Variants in CBLN3 observed in about 807,000 individuals in gnomAD.
CBLN3 encodes cerebellin-3.
CBLN3 carries 14 observed loss-of-function variants against 17.4 expected under a neutral mutation model. That is an observed-to-expected ratio of 0.81 (90% CI 0.53 to 1.26). The LOEUF (loss-of-function observed/expected upper bound fraction) is 1.26. Among genes scored for constraint, CBLN3 ranks in the 50% most tolerant of loss-of-function variants. The pLI is 0.00. For synonymous variants in CBLN3, 129 were observed against 117.4 expected (o/e 1.10, Z -0.64); for missense variants, 263 against 268.5 (o/e 0.98, Z 0.14).
chr14:24,428,387 C>A lies in CBLN3; in HGVS notation c.319G>T (p.Gly107Cys). Residue 107 changes from glycine to cysteine, a missense_variant, in exon 2 of 3, where the codon GGT becomes TGT. Transcript: ENST00000267406. ...YFDQVLVNEG[G>C]GFDRASGSFV... ...GAGCCAGAGGCCCGGTCAAAGCCAC[C>A]GCCCTCGTTCACCAGGACCTGGGGG... 1 of 1,613,834 alleles carries A rather than the reference C, an allele frequency of 6.2e-7. No homozygotes were observed. Among genetic ancestry groups the A allele is most frequent in the South Asian group, 1.1e-5 (1 of 91,064 alleles).
chr14:24,429,647 A>T lies in CBLN3; in HGVS notation c.-593T>A. The T allele has an allele frequency of 1.8e-6, 2 of 1,128,094 alleles. No individual in the cohort carries two copies. Among genetic ancestry groups the T allele is most frequent in the Non-Finnish European group, 2.2e-6 (2 of 902,664 alleles). 69.9% of individuals were successfully genotyped at this position (1,128,094 alleles called of 1,614,324 possible). A position where few individuals can be genotyped will look rare whatever the true frequency, so the allele number is the denominator to read the frequency against. On this transcript the variant is annotated 5_prime_UTR_variant, in exon 1 of 3. Transcript: ENST00000267406. ...GCTTTGGTGGAAAGTGCTTGGGCCT[A>T]GAGCACCAGTGGGCCAGTCACGCTG...
chr14:24,427,767 T>G lies in CBLN3; in HGVS notation c.*22A>C, dbSNP rs1566492849. Reference sequence around the variant, plus strand: ...AGAAAGTTGTCAGGGGCTGGATTCTTGTGCTTGAAAGACTTGGGTCCTCAG... The same window carrying G: ...AGAAAGTTGTCAGGGGCTGGATTCTGGTGCTTGAAAGACTTGGGTCCTCAG... On this transcript the variant is annotated 3_prime_UTR_variant, in exon 3 of 3. Coordinates refer to ENST00000267406, the MANE Select transcript of CBLN3 (RefSeq NM_001039771.3). The surrounding 1 kb of genome is among the most constrained non-coding windows in gnomAD (Gnocchi z 4.4). The G allele has an allele frequency of 6.2e-7, 1 of 1,612,622 alleles. No individual in the cohort carries two copies.
At position 24,428,604 on chromosome 14, in the gene CBLN3, C is replaced by A. The variant is rs549668701; in HGVS notation, c.300+151G>T. 1.6e-5 allele frequency: 16 copies of A among 992,894 alleles called. No individual in the cohort carries two copies. In the African/African-American group the frequency reaches 2.5e-4, roughly 16 times the overall value. 61.5% of individuals were successfully genotyped at this position (992,894 alleles called of 1,614,324 possible). Reference sequence around the variant, plus strand: ...TATGGGTGGAGGGAGGGGAAACCGTCGGTGGGGTGGTGGGGCAATAGGCCA... The same window carrying A: ...TATGGGTGGAGGGAGGGGAAACCGTAGGTGGGGTGGTGGGGCAATAGGCCA... On this transcript the variant is annotated intron_variant, in intron 1 of 2. Coordinates refer to ENST00000267406, the MANE Select transcript of CBLN3 (RefSeq NM_001039771.3).
Position 24,429,136 on chromosome 14 carries a change from C to G in CBLN3, c.-82G>C, listed in dbSNP as rs2043059043. On this transcript the variant is annotated 5_prime_UTR_variant, in exon 1 of 3. Coordinates refer to ENST00000267406, the MANE Select transcript of CBLN3 (RefSeq NM_001039771.3). ...CGCTCCTCTCCCTGGATTCTCACCG[C>G]CGGCACCCTGATCGTCTGCCCTCTC... 7.1e-7 allele frequency: 1 copy of G among 1,408,566 alleles called. No individual in the cohort carries two copies. The highest frequency in any genetic ancestry group is 9.4e-7 in the Non-Finnish European group (1 of 1,058,522). The allele number at this position is 1,408,566 out of a possible 1,614,324, so 87.3% of individuals were successfully genotyped here.
rs759115311 is a variant in CBLN3, at chr14:24,427,966, C to G, written c.441G>C (p.Thr147=). Reference sequence around the variant, plus strand: ...TGGCAAAGGCTGAGATGACAGGCCACGTGTTCAGCATCAGGCTCACCTGGG... The same window carrying G: ...TGGCAAAGGCTGAGATGACAGGCCAGGTGTTCAGCATCAGGCTCACCTGGG... ...QTVQVSLMLN[T]WPVISAFAND... Residue 147 remains threonine, a synonymous_variant, in exon 3 of 3, where the codon ACG becomes ACC. Coordinates refer to ENST00000267406, the MANE Select transcript of CBLN3 (RefSeq NM_001039771.3). This position sits in a 1 kb window ranked among gnomAD's most constrained non-coding sequence, Gnocchi z 4.4. 6.2e-7 allele frequency: 1 copy of G among 1,613,508 alleles called. No homozygotes were observed. The highest frequency in any genetic ancestry group is 1.7e-5 in the Admixed American group (1 of 60,010).
In CBLN3 at chr14:24,428,374, C is replaced by G. The variant is rs757183255; in HGVS notation, c.332G>C (p.Arg111Pro). The change falls in exon 2 of 3, where the codon CGG becomes CCG. Residue 111 changes from arginine (R) to proline (P), a missense_variant. By Grantham distance (103) the Arg-to-Pro change is moderately radical. Transcript: ENST00000267406. Reference protein sequence around the residue: ...VLVNEGGGFDRASGSFVAPVR... With the variant: ...VLVNEGGGFDPASGSFVAPVR... ...AGGGGCTACGAAGGAGCCAGAGGCC[C>G]GGTCAAAGCCACCGCCCTCGTTCAC... The G allele has an allele frequency of 1.4e-5, 22 of 1,613,830 alleles. No homozygotes were observed. The highest frequency in any genetic ancestry group is 2.7e-5 in the African/African-American group (2 of 74,982).
intron 1 of CBLN3, 106 bp from the exon 2 acceptor site, chr14:24,428,511 C>A: frequency 7.3e-7 from 1 of 1,368,108 alleles, no homozygotes; most frequent in Non-Finnish European, 1.0e-6. Flanking sequence ...GAAGGAGTGG[C>A]AAGTAGGAGT....
At chr14:24,428,514 G>T in intron 1 of CBLN3, 109 bp from the exon 2 acceptor site, 1 of 1,354,036 alleles carries the variant, frequency 7.4e-7, no homozygotes, top group East Asian at 2.4e-5. Context: ...GGAGTGGCAA[G>T]TAGGAGTGAA....
Position 24,429,297 on chromosome 14 carries a change from G to A in CBLN3, c.-243C>T. The A allele has an allele frequency of 5.8e-6, 4 of 692,362 alleles. No homozygotes were observed. Among genetic ancestry groups the A allele is most frequent in the Non-Finnish European group, 1.0e-5 (4 of 383,388 alleles). 42.9% of individuals were successfully genotyped at this position (692,362 alleles called of 1,614,324 possible). On this transcript the variant is annotated 5_prime_UTR_variant, in exon 1 of 3. Transcript: ENST00000267406. The stretch of plus-strand genomic sequence containing the variant: ...AGCAGTTGGGCTTTGGGAGAGAAAG[G>A]AGGGATGAAGCCGCCTGCCCACTGG...
rs535790617 is a variant in CBLN3 at position 24,428,259 on chromosome 14, G to T, written c.420+27C>A. 1.4e-4 allele frequency: 223 copies of T among 1,611,800 alleles called. 3 individuals carry two copies. In the South Asian group the frequency reaches 2.3e-3, roughly 17 times the overall value. ...TTCCCCCTCCCCACCCTCCTGAGCCGGGGATGGGGGCCAGTGCTGAGGTCA... is the reference window on the plus strand; with the variant it reads ...TTCCCCCTCCCCACCCTCCTGAGCCTGGGATGGGGGCCAGTGCTGAGGTCA... On this transcript the variant is annotated intron_variant, in intron 2 of 2. Coordinates refer to ENST00000267406, the MANE Select transcript of CBLN3 (RefSeq NM_001039771.3).
chr14:24,428,550 TG>T (rs2043048628), intron 1 of CBLN3, 145 bp from the exon 2 acceptor site: 4 of 1,124,498 alleles, frequency 3.6e-6, no homozygotes, highest in Non-Finnish European at 4.9e-6. Flanking sequence ...TCAAAAGAAA[TG>T]GTGAGAAGGG....
chr14:24,428,440 G>A (rs778728553), intron 1 of CBLN3, 35 bp from the exon 2 acceptor site: 1 of 1,611,958 alleles, frequency 6.2e-7, no homozygotes, highest in African/African-American at 1.3e-5. Context: ...TGGGGCTCAG[G>A]AAATGCCCAT....
Position 24,428,880 on chromosome 14 carries a change from G to C in CBLN3, c.175C>G (p.Pro59Ala). Residue 59 changes from proline to alanine, a missense_variant, in exon 1 of 3, where the codon CCC (proline) becomes GCC (alanine). Pro to Ala is a conservative substitution (Grantham distance 27). Transcript: ENST00000267406. ...GCCTCTCCCAGGGCTGCTCCCCCGG[G>C]CCCCCCTGCAGCAGCTCGGCCAGGC... ...CEPGRAAAGGPGGAALGEAPP... is the reference protein window; with the variant it reads ...CEPGRAAAGGAGGAALGEAPP... 6.2e-7 allele frequency: 1 copy of C among 1,601,854 alleles called. No homozygotes were observed. Among genetic ancestry groups the C allele is most frequent in the Non-Finnish European group, 8.5e-7 (1 of 1,174,460 alleles).
rs763755426 is a variant in CBLN3 at position 24,429,048 on chromosome 14, C to T, written c.7G>A (p.Gly3Arg). Reference sequence around the variant, plus strand: ...CCTGGTAGCCAGTGTGGCTTGGCTCCCAACATGGCTGAGGGGCTCTGCAAC... The same window carrying T: ...CCTGGTAGCCAGTGTGGCTTGGCTCTCAACATGGCTGAGGGGCTCTGCAAC... ML[G>R]AKPHWLPGPL... is the part of the protein sequence containing the mutation. The change falls in exon 1 of 3, where the codon GGA becomes AGA. Residue 3 changes from glycine (G) to arginine (R), a missense_variant. Transcript: ENST00000267406. 1.6e-5 allele frequency: 24 copies of T among 1,502,672 alleles called. No homozygotes were observed. The highest frequency in any genetic ancestry group is 4.5e-5 in the Admixed American group (2 of 44,164). The allele number at this position is 1,502,672 out of a possible 1,614,324, so 93.1% of individuals were successfully genotyped here. A position where few individuals can be genotyped will look rare whatever the true frequency, so the allele number is the denominator to read the frequency against.
rs1344211831 is a variant in CBLN3 at position 24,427,420 on chromosome 14, C to T, written c.*369G>A. 1 of 233,486 alleles carries T rather than the reference C, an allele frequency of 4.3e-6. No individual in the cohort carries two copies. The highest frequency in any genetic ancestry group is 2.3e-5 in the African/African-American group (1 of 43,514). The allele number at this position is 233,486 out of a possible 1,614,324, so 14.5% of individuals were successfully genotyped here. A position where few individuals can be genotyped will look rare whatever the true frequency, so the allele number is the denominator to read the frequency against. ...CTCCTGTGGGGGCCTGTCAGGCTCA[C>T]CTGCGCCACCTGTCCCTGATCAGCA... On this transcript the variant is annotated 3_prime_UTR_variant, in exon 3 of 3. Coordinates refer to ENST00000267406, the MANE Select transcript of CBLN3 (RefSeq NM_001039771.3). This position sits in a 1 kb window ranked among gnomAD's most constrained non-coding sequence, Gnocchi z 4.4.
chr14:24,428,709 C>CT, intron 1 of CBLN3, 46 bp downstream of exon 1: 2 of 1,524,656 alleles, frequency 1.3e-6, no homozygotes, highest in Non-Finnish European at 1.8e-6. Flanking sequence ...CTTCCAGGTC[C>CT]TTGCAGGGTC....
rs916792258 is a variant in CBLN3, at chr14:24,429,286, G to A, written c.-232C>T. 1 of 698,340 alleles carries A rather than the reference G, an allele frequency of 1.4e-6. No homozygotes were observed. Among genetic ancestry groups the A allele is most frequent in the Non-Finnish European group, 2.6e-6 (1 of 388,756 alleles). 43.3% of individuals were successfully genotyped at this position (698,340 alleles called of 1,614,324 possible). The stretch of plus-strand genomic sequence containing the variant: ...CATGCAGTGACAGCAGTTGGGCTTT[G>A]GGAGAGAAAGGAGGGATGAAGCCGC... On this transcript the variant is annotated 5_prime_UTR_variant, in exon 1 of 3. An upstream open reading frame in the 5' UTR gains an earlier in-frame stop. Coordinates refer to ENST00000267406, the MANE Select transcript of CBLN3 (RefSeq NM_001039771.3).
At position 24,429,620 on chromosome 14, in the gene CBLN3, T is replaced by G; in HGVS notation, c.-566A>C. 2 of 1,049,272 alleles carry G rather than the reference T, an allele frequency of 1.9e-6. No homozygotes were observed. The highest frequency in any genetic ancestry group is 2.4e-6 in the Non-Finnish European group (2 of 820,660). The allele number at this position is 1,049,272 out of a possible 1,614,324, so 65.0% of individuals were successfully genotyped here. ...CTCCCGCCTACCCCCTCCGCCACGA[T>G]TGCTTTGGTGGAAAGTGCTTGGGCC... On this transcript the variant is annotated 5_prime_UTR_variant, in exon 1 of 3. Transcript: ENST00000267406.
Position 24,429,039 on chromosome 14 carries a change from G to C in CBLN3, c.16C>G (p.Pro6Ala). MLGAK[P>A]HWLPGPLHSP... ...TGTAGGGGACCTGGTAGCCAGTGTGGCTTGGCTCCCAACATGGCTGAGGGG... is the reference window on the plus strand; with the variant it reads ...TGTAGGGGACCTGGTAGCCAGTGTGCCTTGGCTCCCAACATGGCTGAGGGG... The change falls in exon 1 of 3, where the codon CCA becomes GCA. Residue 6 changes from proline to alanine, a missense_variant. Physicochemically the swap from Pro to Ala is conservative, Grantham distance 27. Coordinates refer to ENST00000267406, the MANE Select transcript of CBLN3 (RefSeq NM_001039771.3). 6.6e-7 allele frequency: 1 copy of C among 1,512,438 alleles called. No individual in the cohort carries two copies. Among genetic ancestry groups the C allele is most frequent in the Non-Finnish European group, 8.9e-7 (1 of 1,124,214 alleles). The allele number at this position is 1,512,438 out of a possible 1,614,324, so 93.7% of individuals were successfully genotyped here.
Sources: allele counts gnomAD v4.1 joint callset, GRCh38; gene constraint gnomAD v4.1.1; non-coding constraint Gnocchi (gnomAD v3.1); transcripts MANE v1.5; gene names NCBI Gene and HGNC (gene_info 2026-07-23, HGNC 2026-07-21).